WWOX: variants seen among roughly 807,000 people sequenced by gnomAD.
The protein encoded by WWOX is WW domain containing oxidoreductase, also known as WW domain-containing oxidoreductase.
Under a neutral mutation model 46.2 loss-of-function variants are expected in WWOX, and 69 were observed. The observed-to-expected ratio is 1.49, with a 90% CI of 1.23 to 1.82. WWOX has a LOEUF of 1.82. Ranked by LOEUF, WWOX falls within the 40% of genes most tolerant of loss-of-function variation. The probability of loss-of-function intolerance (pLI) is 0.00; values close to 1 mark genes in which losing one functional copy is unlikely to be tolerated. For synonymous variants in WWOX, 359 were observed against 202.6 expected, an observed-to-expected ratio of 1.77 and a Z score of -6.56; for missense variants, 919 against 542.6, an observed-to-expected ratio of 1.69 and a Z score of -6.89.
At chr16:78,963,997 G>A (rs1357272588) in intron 8 of WWOX, among the ~76,000 whole-genome samples, 1 of 152,126 alleles carries the variant, frequency 6.6e-6, no homozygotes, top group Admixed American at 6.5e-5. Flanking sequence ...TGTAAGAAGT[G>A]CCTTTCACCT....
chr16:79,122,564 T>TTCTTTCTTTCCCTCTCTCTTTCTCCG (rs2049659990), intron 8 of WWOX, among the ~76,000 whole-genome samples: 1 of 151,950 alleles, frequency 6.6e-6, no homozygotes, highest in Non-Finnish European at 1.5e-5. Context: ...CTTCCCCTCA[T>TTCTTTCTTTCCCTCTCTCTTTCTCCG]TCTTTCTTTC....
intron 5 of WWOX, among the ~76,000 whole-genome samples, chr16:78,309,604 T>G (rs545608711): frequency 1.3e-5 from 2 of 152,352 alleles, no homozygotes; most frequent in African/African-American, 4.8e-5. Context: ...CCCAGCCACC[T>G]TGGGCACACG....
At chr16:78,299,521 C>CTTTTT (rs997647456) in intron 5 of WWOX, among the ~76,000 whole-genome samples, 15 of 141,814 alleles carry the variant, frequency 1.1e-4, no homozygotes, top group Non-Finnish European at 1.4e-4. Flanking sequence ...CTTTTCTTTT[C>CTTTTT]TTTTTTTTTT....
chr16:78,209,773 G>A (rs1002522937), intron 5 of WWOX, among the ~76,000 whole-genome samples: 1 of 150,902 alleles, frequency 6.6e-6, no homozygotes, highest in Non-Finnish European at 1.5e-5. Flanking sequence ...GAATAATCAT[G>A]TACAAATATA....
chr16:78,158,978 T>A (rs1364596466), intron 4 of WWOX, among the ~76,000 whole-genome samples: 1 of 152,202 alleles, frequency 6.6e-6, no homozygotes, highest in African/African-American at 2.4e-5. Context: ...ATTTTTTGCC[T>A]CTATGAGTTT....
intron 8 of WWOX, among the ~76,000 whole-genome samples, chr16:78,682,849 A>G (rs2047762288): frequency 6.6e-6 from 1 of 152,236 alleles, no homozygotes; most frequent in Non-Finnish European, 1.5e-5. Context: ...TGCTGCAAAT[A>G]GAACAGTGGT....
In WWOX at chr16:79,183,412, G is replaced by A. The variant is rs529959399; in HGVS notation, c.1057-28196G>A. ...GCTATGAAATGCTAGCGCAGATGACGTTCAGAACTGCCCTGTGAGCAGACA... is the reference window on the plus strand; with the variant it reads ...GCTATGAAATGCTAGCGCAGATGACATTCAGAACTGCCCTGTGAGCAGACA... On this transcript the variant is annotated intron_variant, in intron 8 of 8. Transcript: ENST00000566780. 9.8e-5 allele frequency among the ~76,000 whole-genome samples: 15 copies of A among 152,310 alleles called. No homozygotes were observed. The East Asian group carries it at 2.5e-3, about 25-fold the overall frequency.
chr16:78,688,441 T>G (rs1314892709), intron 8 of WWOX, among the ~76,000 whole-genome samples: 1 of 152,130 alleles, frequency 6.6e-6, no homozygotes, highest in Non-Finnish European at 1.5e-5. Flanking sequence ...ATTCACTTCT[T>G]TCTATTTTTC....
At chr16:78,411,875 A>G (rs1490308340) in intron 6 of WWOX, among the ~76,000 whole-genome samples, 1 of 152,110 alleles carries the variant, frequency 6.6e-6, no homozygotes, top group African/African-American at 2.4e-5. Flanking sequence ...CGATTAGGGG[A>G]CTGTTCCCAG....
chr16:78,279,688 T>A (rs1425372627), intron 5 of WWOX, among the ~76,000 whole-genome samples: 2 of 152,236 alleles, frequency 1.3e-5, no homozygotes, highest in Non-Finnish European at 2.9e-5. Flanking sequence ...GTAATAGAGC[T>A]ATTAGAATCC....
intron 8 of WWOX, among the ~76,000 whole-genome samples, chr16:78,673,789 A>T (rs1395446360): frequency 6.6e-6 from 1 of 152,150 alleles, no homozygotes; most frequent in African/African-American, 2.4e-5. Context: ...CCTTTCTTTG[A>T]TGTCCCAATT....
intron 8 of WWOX, among the ~76,000 whole-genome samples, chr16:78,711,043 C>A (rs1321895355): frequency 6.6e-6 from 1 of 152,190 alleles, no homozygotes; most frequent in Admixed American, 6.5e-5. Context: ...CTAACCAACA[C>A]CCGACAGGCA....
At chr16:78,398,978 T>C (rs546484949) in intron 6 of WWOX, among the ~76,000 whole-genome samples, 1 of 151,988 alleles carries the variant, frequency 6.6e-6, no homozygotes, top group East Asian at 1.9e-4. Flanking sequence ...GATAGAAGGA[T>C]GGAAGAGGTA....
rs1021193789 is a variant in WWOX at position 78,997,120 on chromosome 16, T to A, written c.1057-214488T>A. ...AATCTTCTGCTCTTCAATGTAGACATATGTTCGAGTGGTTCGTGTGTGTGC... is the reference window on the plus strand; with the variant it reads ...AATCTTCTGCTCTTCAATGTAGACAAATGTTCGAGTGGTTCGTGTGTGTGC... On this transcript the variant is annotated intron_variant, in intron 8 of 8. Transcript: ENST00000566780. Among the ~76,000 whole-genome samples the A allele has an allele frequency of 2.0e-5, 3 of 150,808 alleles. No homozygotes were observed. In the East Asian group the frequency reaches 5.9e-4, roughly 30 times the overall value.
Position 78,971,120 on chromosome 16 carries a change from G to A in WWOX, c.1057-240488G>A, listed in dbSNP as rs891169760. ...ATATATCAGGTAAGATTCTAGTCCA[G>A]TGTGAGCCATATGCTTTATTCCTGA... On this transcript the variant is annotated intron_variant, in intron 8 of 8. Coordinates refer to ENST00000566780, the MANE Select transcript of WWOX (RefSeq NM_016373.4). Among the ~76,000 whole-genome samples, 11 of 152,100 alleles carry A rather than the reference G, an allele frequency of 7.2e-5. No homozygotes were observed. The East Asian group carries it at 1.9e-3, about 27-fold the overall frequency.
intron 8 of WWOX, among the ~76,000 whole-genome samples, chr16:78,977,602 A>C (rs1417808794): frequency 6.6e-6 from 1 of 152,148 alleles, no homozygotes; most frequent in Non-Finnish European, 1.5e-5. Context: ...TTGTTACAAA[A>C]ATGAAAGGGG....
intron 8 of WWOX, among the ~76,000 whole-genome samples, chr16:79,020,544 C>G (rs570937606): frequency 6.6e-6 from 1 of 152,140 alleles, no homozygotes; most frequent in Non-Finnish European, 1.5e-5. Context: ...CTAGCACATA[C>G]AACACAATCT....
intron 5 of WWOX, among the ~76,000 whole-genome samples, chr16:78,309,673 A>C (rs541157444): frequency 1.3e-5 from 2 of 152,322 alleles, no homozygotes; most frequent in Admixed American, 1.3e-4. Context: ...GGTCGGGAAT[A>C]AACTTCTTTA....
chr16:78,952,573 G>T (rs2046083564), intron 8 of WWOX, among the ~76,000 whole-genome samples: 2 of 151,956 alleles, frequency 1.3e-5, no homozygotes, highest in East Asian at 1.9e-4. Context: ...AGTAGAGACG[G>T]GGTTTCTGCC....
Sources: gnomAD v4.1 joint callset for allele counts (sites outside exome capture counted in the v4.1 genomes callset) on GRCh38, gnomAD v4.1.1 for gene constraint, MANE v1.5 for transcripts, NCBI Gene and HGNC (gene_info 2026-07-23, HGNC 2026-07-21) for gene names.